The following EPHA6 variants were observed in gnomAD, a reference collection of about 807,000 sequenced individuals.
EPHA6 encodes the protein ephrin type-A receptor 6.
EPHA6 carries 50 observed loss-of-function variants against 112.0 expected under a neutral mutation model. The observed-to-expected ratio is 0.45, with a 90% CI of 0.36 to 0.56. The LOEUF is 0.56. EPHA6 is among the 20% of genes least tolerant of loss of function. EPHA6 has a pLI of 0.00. For synonymous variants in EPHA6, 529 were observed against 490.7 expected (o/e 1.08, Z -1.03); for missense variants, 1,280 against 1,417.4 (o/e 0.90, Z 1.56).
intron 5 of EPHA6, among the ~76,000 whole-genome samples, chr3:97,385,084 C>G (rs538883418): frequency 3.3e-5 from 5 of 152,160 alleles, no homozygotes; most frequent in African/African-American, 4.8e-5. Context: ...TAGGTTCTGG[C>G]AAACTGATGA....
chr3:97,428,906 C>A (rs2089327053), intron 6 of EPHA6, among the ~76,000 whole-genome samples: 5 of 152,126 alleles, frequency 3.3e-5, no homozygotes, highest in Admixed American at 3.3e-4. Flanking sequence ...CATTTTCTAC[C>A]CAATCCTCCT....
chr3:97,209,958 T>C (rs559834189), intron 3 of EPHA6, among the ~76,000 whole-genome samples: 40 of 152,284 alleles, frequency 2.6e-4, no homozygotes, highest in African/African-American at 9.1e-4. Flanking sequence ...CATAAAACAT[T>C]TTAATGAAAT....
At position 97,051,271 on chromosome 3, in the gene EPHA6, A is replaced by C. The variant is rs62263743; in HGVS notation, c.1114+63278A>C. On this transcript the variant is annotated intron_variant, in intron 3 of 17. Transcript: ENST00000389672. Reference sequence around the variant, plus strand: ...TAGGATTTGGAAAATGTCACTGGAGAACTGCCTTTTTCTCTAATAAATGGA... The same window carrying C: ...TAGGATTTGGAAAATGTCACTGGAGCACTGCCTTTTTCTCTAATAAATGGA... Among the ~76,000 whole-genome samples, 880 of 152,252 alleles carry C rather than the reference A, an allele frequency of 5.8e-3. 2 individuals are homozygous for C. The highest frequency in any genetic ancestry group is 8.5e-3 in the Non-Finnish European group (576 of 67,996).
intron 2 of EPHA6, among the ~76,000 whole-genome samples, chr3:96,898,896 C>T (rs1351279300): frequency 3.3e-5 from 5 of 151,616 alleles, no homozygotes; most frequent in South Asian, 2.1e-4. Flanking sequence ...GGCATGGTGG[C>T]GCGCGCCTGT....
At chr3:97,445,921 G>A (rs1227162076) in intron 6 of EPHA6, among the ~76,000 whole-genome samples, 1 of 152,054 alleles carries the variant, frequency 6.6e-6, no homozygotes, top group Non-Finnish European at 1.5e-5. Flanking sequence ...ATGCCATCAT[G>A]GTACAAACTC....
chr3:97,692,426 A>G (rs894881624), intron 14 of EPHA6, among the ~76,000 whole-genome samples: 7 of 152,170 alleles, frequency 4.6e-5, no homozygotes, highest in African/African-American at 1.7e-4. Flanking sequence ...CATTTGAAAA[A>G]CAAGGTTTTG....
chr3:97,745,477 C>A, intron 16 of EPHA6: 1 of 414,824 alleles, frequency 2.4e-6, no homozygotes, highest in South Asian at 1.8e-5. Context: ...ATAGGAAATG[C>A]AATAGAATTG....
At chr3:97,367,584 T>G (rs1462577162) in intron 5 of EPHA6, among the ~76,000 whole-genome samples, 2 of 151,756 alleles carry the variant, frequency 1.3e-5, no homozygotes, top group African/African-American at 4.8e-5. Context: ...TTTTTTTTTG[T>G]AGTTTTCTGT....
At chr3:97,043,363 C>T (rs1053349488) in intron 3 of EPHA6, among the ~76,000 whole-genome samples, 1 of 152,108 alleles carries the variant, frequency 6.6e-6, no homozygotes, top group Admixed American at 6.6e-5. Context: ...CTTTATAAGG[C>T]CACATGTCCC....
chr3:97,486,300 A>G (rs2091697188), intron 10 of EPHA6, among the ~76,000 whole-genome samples: 1 of 152,190 alleles, frequency 6.6e-6, no homozygotes, highest in Non-Finnish European at 1.5e-5. Flanking sequence ...TTTACTGTCC[A>G]TATTCAGAAA....
chr3:97,335,176 G>A (rs2082999272), intron 5 of EPHA6, among the ~76,000 whole-genome samples: 1 of 152,148 alleles, frequency 6.6e-6, no homozygotes, highest in African/African-American at 2.4e-5. Flanking sequence ...TGAGTGTGGG[G>A]TACTCATCAT....
chr3:96,960,255 T>C (rs1287581111), intron 2 of EPHA6, among the ~76,000 whole-genome samples: 1 of 152,110 alleles, frequency 6.6e-6, no homozygotes, highest in Non-Finnish European at 1.5e-5. Flanking sequence ...GAATGATTTT[T>C]TCTTTATTGG....
At chr3:97,182,392 A>G (rs905001759) in intron 3 of EPHA6, among the ~76,000 whole-genome samples, 2 of 150,678 alleles carry the variant, frequency 1.3e-5, no homozygotes, top group African/African-American at 4.9e-5. Flanking sequence ...TTATACTAAT[A>G]CACTTGCTTA....
At chr3:97,358,467 T>G (rs900357543) in intron 5 of EPHA6, among the ~76,000 whole-genome samples, 2 of 152,186 alleles carry the variant, frequency 1.3e-5, no homozygotes, top group Non-Finnish European at 2.9e-5. Flanking sequence ...TTTAAAGTTA[T>G]GTAAAAAACT....
chr3:97,539,156 T>TA (rs2092812435), intron 11 of EPHA6, among the ~76,000 whole-genome samples: 1 of 149,796 alleles, frequency 6.7e-6, no homozygotes, highest in African/African-American at 2.5e-5. Flanking sequence ...CTTCTTTCTT[T>TA]TTTTTTTTTG....
At chr3:97,330,166 C>T (rs1365356647) in intron 5 of EPHA6, among the ~76,000 whole-genome samples, 4 of 151,876 alleles carry the variant, frequency 2.6e-5, no homozygotes, top group African/African-American at 9.7e-5. Context: ...TGTTCTGTTC[C>T]ATTGGTCTAT....
intron 6 of EPHA6, among the ~76,000 whole-genome samples, chr3:97,425,951 C>G (rs1461786204): frequency 6.6e-6 from 1 of 152,190 alleles, no homozygotes; most frequent in African/African-American, 2.4e-5. Context: ...TCATCTCCAT[C>G]TGAGACCACT....
intron 14 of EPHA6, among the ~76,000 whole-genome samples, chr3:97,670,695 A>G (rs1427558676): frequency 6.6e-6 from 1 of 152,162 alleles, no homozygotes; most frequent in Non-Finnish European, 1.5e-5. Flanking sequence ...CAAAAATCTG[A>G]TTTGAAAGAT....
At chr3:97,033,117 T>C (rs746715152) in intron 3 of EPHA6, among the ~76,000 whole-genome samples, 1 of 151,954 alleles carries the variant, frequency 6.6e-6, no homozygotes, top group Non-Finnish European at 1.5e-5. Flanking sequence ...CAGGGAATCC[T>C]GAGCAAGCGG....
Sources: gnomAD v4.1 joint callset for allele counts (sites outside exome capture counted in the v4.1 genomes callset) on GRCh38, gnomAD v4.1.1 for gene constraint, MANE v1.5 for transcripts, NCBI Gene and HGNC (gene_info 2026-07-23, HGNC 2026-07-21) for gene names.